The following ADAMTSL1 variants were observed in gnomAD, a reference collection of about 807,000 sequenced individuals.
ADAMTSL1 encodes ADAMTS like 1.
In ADAMTSL1, 126 loss-of-function variants were observed where a neutral mutation model predicts 201.8. That is an observed-to-expected ratio of 0.62 (90% CI 0.54 to 0.72). The LOEUF is 0.72. Among genes scored for constraint, ADAMTSL1 ranks in the 30% least tolerant of loss-of-function variants. ADAMTSL1 has a pLI of 0.00. For missense variants in ADAMTSL1, 2,679 were observed against 2,277.8 expected (o/e 1.18, Z -3.59); for synonymous variants, 1,121 against 903.4 (o/e 1.24, Z -4.32).
intron 15 of ADAMTSL1, among the ~76,000 whole-genome samples, chr9:18,749,165 G>T (rs1819314618): frequency 6.6e-6 from 1 of 152,118 alleles, no homozygotes; most frequent in South Asian, 2.1e-4. Flanking sequence ...CACATTCTGA[G>T]GTACTAAGGG....
intron 1 of ADAMTSL1, among the ~76,000 whole-genome samples, chr9:18,134,281 C>G (rs1472508964): frequency 6.6e-6 from 1 of 152,138 alleles, no homozygotes; most frequent in Non-Finnish European, 1.5e-5. Flanking sequence ...TGTGCTGCTA[C>G]TTATTTGAAC....
intron 1 of ADAMTSL1, among the ~76,000 whole-genome samples, chr9:17,976,841 A>G (rs1351824331): frequency 1.3e-5 from 2 of 150,950 alleles, no homozygotes; most frequent in East Asian, 2.0e-4. Flanking sequence ...TTTCTTGCCT[A>G]GTTGCTCGGG....
intron 2 of ADAMTSL1, among the ~76,000 whole-genome samples, chr9:18,232,425 C>CT (rs1563824047): frequency 6.6e-6 from 1 of 152,120 alleles, no homozygotes; most frequent in African/African-American, 2.4e-5. Flanking sequence ...TTCTCCTTTC[C>CT]TTGCTTTATG....
chr9:18,483,166 A>G (rs1821815006), intron 1 of ADAMTSL1, among the ~76,000 whole-genome samples: 1 of 152,246 alleles, frequency 6.6e-6, no homozygotes, highest in South Asian at 2.1e-4. Context: ...CTCTAGCACC[A>G]GACAAAGAGT....
chr9:17,909,396 C>A (rs1825847388), intron 1 of ADAMTSL1, among the ~76,000 whole-genome samples: 1 of 145,386 alleles, frequency 6.9e-6, no homozygotes, highest in Non-Finnish European at 1.5e-5. Flanking sequence ...AGTCCTTGCC[C>A]ATGCCTATGT....
At chr9:18,134,333 C>T (rs984215948) in intron 1 of ADAMTSL1, among the ~76,000 whole-genome samples, 2 of 152,086 alleles carry the variant, frequency 1.3e-5, no homozygotes, top group Non-Finnish European at 2.9e-5. Flanking sequence ...GCCATTGGTA[C>T]CACTTGATTA....
intron 1 of ADAMTSL1, among the ~76,000 whole-genome samples, chr9:18,017,306 TG>T (rs1820299745): frequency 6.6e-6 from 1 of 152,006 alleles, no homozygotes; most frequent in South Asian, 2.1e-4. Context: ...ACTGAAGTTT[TG>T]TGGGTTTTTT....
intron 1 of ADAMTSL1, among the ~76,000 whole-genome samples, chr9:17,922,488 T>A (rs1011873626): frequency 6.6e-6 from 1 of 152,140 alleles, no homozygotes; most frequent in Non-Finnish European, 1.5e-5. Flanking sequence ...AGGACTAGGA[T>A]GGGTTTAGGG....
At chr9:18,002,101 T>A (rs1819635238) in intron 1 of ADAMTSL1, among the ~76,000 whole-genome samples, 1 of 151,846 alleles carries the variant, frequency 6.6e-6, no homozygotes, top group South Asian at 2.1e-4. Flanking sequence ...AGGGGAAGAA[T>A]GATACCTAAT....
At chr9:18,256,953 A>G (rs1831712182) in intron 2 of ADAMTSL1, among the ~76,000 whole-genome samples, 1 of 152,218 alleles carries the variant, frequency 6.6e-6, no homozygotes. Flanking sequence ...GAGAAGTCCC[A>G]GAGACAGCTG....
At chr9:18,501,084 C>T (rs530523375) in intron 1 of ADAMTSL1, among the ~76,000 whole-genome samples, 75 of 152,288 alleles carry the variant, frequency 4.9e-4, no homozygotes, top group Non-Finnish European at 1.0e-3. Flanking sequence ...AAGCAATCAG[C>T]GTTACTTTTA....
intron 9 of ADAMTSL1, among the ~76,000 whole-genome samples, chr9:18,667,176 A>G (rs1829493120): frequency 6.6e-6 from 1 of 151,194 alleles, no homozygotes; most frequent in Non-Finnish European, 1.5e-5. Flanking sequence ...CCAAACTTGT[A>G]TACCCCCAAG....
intron 1 of ADAMTSL1, among the ~76,000 whole-genome samples, chr9:18,055,648 CTA>C (rs1822149466): frequency 6.6e-6 from 1 of 152,228 alleles, no homozygotes; most frequent in African/African-American, 2.4e-5. Context: ...CATGCTTCAT[CTA>C]TATGTCACCT....
intron 9 of ADAMTSL1, among the ~76,000 whole-genome samples, chr9:18,673,543 G>A (rs546072568): frequency 6.6e-6 from 1 of 152,260 alleles, no homozygotes; most frequent in Non-Finnish European, 1.5e-5. Flanking sequence ...TTTCTAAATC[G>A]GTCCAAAGCA....
At chr9:18,725,026 C>T (rs1266020910) in intron 15 of ADAMTSL1, among the ~76,000 whole-genome samples, 1 of 152,118 alleles carries the variant, frequency 6.6e-6, no homozygotes. Context: ...CCTGCTTCAG[C>T]CTCCCAAGTA....
intron 1 of ADAMTSL1, among the ~76,000 whole-genome samples, chr9:18,019,791 A>G (rs906473760): frequency 1.1e-4 from 16 of 152,058 alleles, no homozygotes; most frequent in Non-Finnish European, 1.5e-4. Context: ...GGCAGGAAAA[A>G]CTGTTCAGTT....
At chr9:18,749,569 T>G (rs942936029) in intron 15 of ADAMTSL1, among the ~76,000 whole-genome samples, 32 of 152,234 alleles carry the variant, frequency 2.1e-4, no homozygotes, top group Admixed American at 1.8e-3. Flanking sequence ...CCACCACTCA[T>G]AGCCAACCTT....
At chr9:18,461,028 A>G (rs1372368746) in intron 2 of ADAMTSL1, among the ~76,000 whole-genome samples, 3 of 152,224 alleles carry the variant, frequency 2.0e-5, no homozygotes, top group African/African-American at 7.2e-5. Context: ...CATGTGTCCA[A>G]TCTAATTTTT....
rs541597176 is a variant in ADAMTSL1 at position 18,013,432 on chromosome 9, T to C, written c.87+106510T>C. ...ATGCATACAGCATGAGAGATGGAGG[T>C]CTGTACAGTCTTACCTTGAGAGTTC... On this transcript the variant is annotated intron_variant, in intron 1 of 29. Transcript: ENST00000680146. 2.6e-5 allele frequency among the ~76,000 whole-genome samples: 4 copies of C among 152,010 alleles called. No individual in the cohort carries two copies. In the East Asian group the frequency reaches 7.8e-4, roughly 30 times the overall value.
Sources: gnomAD v4.1 joint callset for allele counts (sites outside exome capture counted in the v4.1 genomes callset) on GRCh38, gnomAD v4.1.1 for gene constraint, MANE v1.5 for transcripts, NCBI Gene and HGNC (gene_info 2026-07-23, HGNC 2026-07-21) for gene names.